EED: variants seen among roughly 807,000 people sequenced by gnomAD.
EED encodes embryonic ectoderm development.
Under a neutral mutation model 61.0 loss-of-function variants are expected in EED, and 9 were observed. The observed-to-expected ratio is 0.15, with a 90% CI of 0.09 to 0.26. The LOEUF (loss-of-function observed/expected upper bound fraction) is 0.26. Ranked by LOEUF, EED falls within the 10% of genes least tolerant of loss-of-function variation. The probability of loss-of-function intolerance (pLI) is 1.00; values close to 1 mark genes in which losing one functional copy is unlikely to be tolerated. For synonymous variants in EED, 187 were observed against 174.4 expected (o/e 1.07, Z -0.57); for missense variants, 315 against 542.3 (o/e 0.58, Z 4.16).
In EED at chr11:86,256,541, T is replaced by G. The variant is rs377184333; in HGVS notation, c.552+29T>G. The G allele has an allele frequency of 3.9e-6, 6 of 1,532,510 alleles. No homozygotes were observed. In the African/African-American group the frequency reaches 8.3e-5, roughly 21 times the overall value. The allele number at this position is 1,532,510 out of a possible 1,614,324, so 94.9% of individuals were successfully genotyped here. On this transcript the variant is annotated intron_variant, in intron 5 of 11. Transcript: ENST00000263360. ...GGTTTTTCTGGTTAAATTGTAGATC[T>G]GCTTCTTTTGAATCCACAACTGTAA...
intron 5 of EED, among the ~76,000 whole-genome samples, 183 bp from the exon 6 acceptor site, chr11:86,257,332 C>T (rs1945704367): frequency 6.7e-6 from 1 of 148,162 alleles, no homozygotes; most frequent in Non-Finnish European, 1.5e-5. Flanking sequence ...ACCCACTGTG[C>T]CTGGGGTCTT....
chr11:86,257,606 G>A lies in EED; in HGVS notation c.634+10G>A. Reference sequence around the variant, plus strand: ...CTGTCAGTAAGTAAAGGTAAGTGAAGCAAATGTTTCTTGAGTCTGTGCAAT... The same window carrying A: ...CTGTCAGTAAGTAAAGGTAAGTGAAACAAATGTTTCTTGAGTCTGTGCAAT... On this transcript the variant is annotated intron_variant, in intron 6 of 11. Coordinates refer to ENST00000263360, the MANE Select transcript of EED (RefSeq NM_003797.5). 6.2e-7 allele frequency: 1 copy of A among 1,600,780 alleles called. No individual in the cohort carries two copies. The highest frequency in any genetic ancestry group is 8.5e-7 in the Non-Finnish European group (1 of 1,172,926).
intron 5 of EED, 77 bp from the exon 6 acceptor site, chr11:86,257,438 A>G: frequency 8.9e-7 from 1 of 1,123,916 alleles, no homozygotes; most frequent in Non-Finnish European, 1.2e-6. Flanking sequence ...AACTATTTTT[A>G]CATTCTCTAA....
chr11:86,258,836 G>A (rs1176078088), intron 6 of EED, among the ~76,000 whole-genome samples: 1 of 151,854 alleles, frequency 6.6e-6, no homozygotes, highest in Non-Finnish European at 1.5e-5. Context: ...GATTACAGGT[G>A]TGAGCCACTG....
chr11:86,258,547 GTTTTTTGGTTTTTT>G (rs1282805791), intron 6 of EED, among the ~76,000 whole-genome samples: 2 of 134,780 alleles, frequency 1.5e-5, no homozygotes, highest in East Asian at 4.8e-4. Flanking sequence ...TCTTTTCTTT[GTTTTTTGGTTTTTT>G]TTTTTTTTTT....
intron 6 of EED, among the ~76,000 whole-genome samples, chr11:86,259,459 G>A (rs1047890165): frequency 1.3e-5 from 2 of 151,962 alleles, no homozygotes; most frequent in Non-Finnish European, 2.9e-5. Context: ...CTACAGGCAC[G>A]TGCCGCCATA....
intron 6 of EED, among the ~76,000 whole-genome samples, chr11:86,261,773 T>A (rs1289494663): frequency 6.6e-6 from 1 of 152,180 alleles, no homozygotes; most frequent in African/African-American, 2.4e-5. Context: ...CTTGAGCCCC[T>A]TCAAGCTATG....
intron 6 of EED, among the ~76,000 whole-genome samples, chr11:86,258,293 A>T (rs539905069): frequency 3.3e-5 from 5 of 152,156 alleles, no homozygotes; most frequent in African/African-American, 9.7e-5. Flanking sequence ...TTTATTTTTT[A>T]AAAAAGCTTT....
At chr11:86,274,636 G>A (rs1169831062) in intron 9 of EED, among the ~76,000 whole-genome samples, 1 of 152,156 alleles carries the variant, frequency 6.6e-6, no homozygotes, top group African/African-American at 2.4e-5. Flanking sequence ...AAGGCTCTCC[G>A]TAGGCCTCAG....
chr11:86,247,957 T>C (rs563405599), intron 1 of EED, among the ~76,000 whole-genome samples: 1 of 152,256 alleles, frequency 6.6e-6, no homozygotes, highest in African/African-American at 2.4e-5. Context: ...TGCAGAGTAG[T>C]TGGCTTCTGC....
intron 8 of EED, among the ~76,000 whole-genome samples, chr11:86,266,461 C>T (rs1174112891): frequency 1.3e-5 from 2 of 151,986 alleles, no homozygotes; most frequent in African/African-American, 2.4e-5. Context: ...GCACATTTTA[C>T]TTATTTGTAT....
intron 6 of EED, among the ~76,000 whole-genome samples, chr11:86,263,573 G>T (rs1241415883): frequency 6.6e-6 from 1 of 152,130 alleles, no homozygotes; most frequent in Non-Finnish European, 1.5e-5. Flanking sequence ...TTGAGACAGG[G>T]TCTTGCTATA....
chr11:86,262,101 T>C (rs1945845470), intron 6 of EED, among the ~76,000 whole-genome samples: 1 of 152,052 alleles, frequency 6.6e-6, no homozygotes. Context: ...AGGCTGGTCT[T>C]GAACTTCTGG....
intron 9 of EED, 79 bp from the exon 10 acceptor site, chr11:86,276,901 A>G (rs1049088690): frequency 1.5e-6 from 2 of 1,306,680 alleles, no homozygotes; most frequent in Non-Finnish European, 1.0e-6. Flanking sequence ...TTCCAAAACA[A>G]TAGAAAAGCC....
chr11:86,267,167 G>C (rs1209094942), intron 8 of EED, among the ~76,000 whole-genome samples: 1 of 151,806 alleles, frequency 6.6e-6, no homozygotes, highest in South Asian at 2.1e-4. Flanking sequence ...TTTTTTCTTT[G>C]AGAGAGGTTT....
At chr11:86,247,328 G>A (rs1034769598) in intron 1 of EED, among the ~76,000 whole-genome samples, 4 of 152,122 alleles carry the variant, frequency 2.6e-5, no homozygotes, top group Non-Finnish European at 2.9e-5. Flanking sequence ...TGAAATACAG[G>A]ATATGAGGTT....
downstream of EED, among the ~76,000 whole-genome samples, chr11:86,280,868 TATC>T (rs770344707): frequency 4.6e-5 from 7 of 152,226 alleles, no homozygotes; most frequent in Non-Finnish European, 1.0e-4. Flanking sequence ...TGTTGGGAGT[TATC>T]ATGAAAGGGT....
chr11:86,283,229 G>A (rs1047892842), downstream of EED, among the ~76,000 whole-genome samples: 1 of 151,990 alleles, frequency 6.6e-6, no homozygotes, highest in African/African-American at 2.4e-5. Flanking sequence ...TCACCAGATT[G>A]ACAATGAAGC....
intron 6 of EED, among the ~76,000 whole-genome samples, chr11:86,262,563 G>T (rs1433572807): frequency 1.3e-5 from 2 of 151,944 alleles, no homozygotes; most frequent in African/African-American, 4.8e-5. Context: ...CCCTTTTGCT[G>T]TGAGACGATT....
Sources: gnomAD v4.1 joint callset for allele counts (sites outside exome capture counted in the v4.1 genomes callset) on GRCh38, gnomAD v4.1.1 for gene constraint, MANE v1.5 for transcripts, NCBI Gene and HGNC (gene_info 2026-07-23, HGNC 2026-07-21) for gene names.